Variants in NSUN6 observed in about 807,000 individuals in gnomAD.
NSUN6 encodes the protein tRNA (cytosine(72)-C(5))-methyltransferase NSUN6.
NSUN6 carries 64 observed loss-of-function variants against 58.0 expected under a neutral mutation model. That is an observed-to-expected ratio of 1.10 (90% CI 0.90 to 1.36). NSUN6 has a LOEUF of 1.36. Ranked by LOEUF, NSUN6 falls within the 40% of genes most tolerant of loss-of-function variation. The pLI is 0.00. For missense variants in NSUN6, 701 were observed against 550.1 expected, an observed-to-expected ratio of 1.27 and a Z score of -2.74; for synonymous variants, 231 against 193.9, an observed-to-expected ratio of 1.19 and a Z score of -1.59.
intron 8 of NSUN6, among the ~76,000 whole-genome samples, chr10:18,573,816 G>A (rs2056514513): frequency 6.6e-6 from 1 of 152,038 alleles, no homozygotes; most frequent in Non-Finnish European, 1.5e-5. Context: ...CAAATCGAGG[G>A]AATCACGTCC....
intron 7 of NSUN6, among the ~76,000 whole-genome samples, chr10:18,591,145 G>C (rs918321617): frequency 2.0e-5 from 3 of 152,032 alleles, no homozygotes; most frequent in African/African-American, 7.2e-5. Flanking sequence ...AGAAGAAATG[G>C]ATAAATTCCT....
At chr10:18,551,651 T>C in intron 9 of NSUN6, 172 bp downstream of exon 9, 1 of 484,378 alleles carries the variant, frequency 2.1e-6, no homozygotes, top group Non-Finnish European at 3.7e-6. Context: ...TGAATAATGT[T>C]CCATGTATGG....
chr10:18,566,608 G>A (rs145843665), intron 8 of NSUN6, among the ~76,000 whole-genome samples: 4,743 of 128,648 alleles, frequency 0.037, 257 homozygotes, highest in African/African-American at 0.13. Flanking sequence ...CCATTCTCCA[G>A]TCCCTTCCAT....
Position 18,625,615 on chromosome 10 carries a change from A to G in NSUN6, c.312-9322T>C, listed in dbSNP as rs2058765075. On this transcript the variant is annotated intron_variant, in intron 3 of 10. Coordinates refer to ENST00000377304, the MANE Select transcript of NSUN6 (RefSeq NM_182543.5). The stretch of plus-strand genomic sequence containing the variant: ...GTAATCCCAGCTACTCCGGAGGGTG[A>G]GGCAGGAGAATCACTTGAATCCGGG... 1.3e-5 allele frequency among the ~76,000 whole-genome samples: 2 copies of G among 148,564 alleles called. 1 individual carries two copies. Among genetic ancestry groups the G allele is most frequent in the Middle Eastern group, 7.2e-3 (2 of 278 alleles).
chr10:18,593,261 A>AGT (rs2057447455), intron 7 of NSUN6, among the ~76,000 whole-genome samples: 1 of 152,220 alleles, frequency 6.6e-6, no homozygotes, highest in African/African-American at 2.4e-5. Context: ...TGTTGGTGGG[A>AGT]GTGTAAATTA....
chr10:18,648,458 T>A, intron 2 of NSUN6, 32 bp downstream of exon 2: 3 of 1,471,734 alleles, frequency 2.0e-6, no homozygotes, highest in Non-Finnish European at 2.8e-6. Flanking sequence ...AAAAATGTAA[T>A]TATGTACAAA....
intron 7 of NSUN6, among the ~76,000 whole-genome samples, chr10:18,587,495 G>A (rs1045892273): frequency 1.3e-5 from 2 of 152,036 alleles, no homozygotes; most frequent in East Asian, 1.9e-4. Context: ...ATTTGGGAGG[G>A]GCCAAGAGAG....
intron 6 of NSUN6, among the ~76,000 whole-genome samples, chr10:18,606,162 G>T (rs1333444180): frequency 6.6e-6 from 1 of 151,976 alleles, no homozygotes; most frequent in Non-Finnish European, 1.5e-5. Flanking sequence ...CCCAAATCTG[G>T]GTCTGTATCA....
chr10:18,605,750 GCAT>G (rs1182566546), intron 6 of NSUN6, among the ~76,000 whole-genome samples: 2 of 152,114 alleles, frequency 1.3e-5, no homozygotes, highest in Non-Finnish European at 2.9e-5. Context: ...ACATCCTACA[GCAT>G]CAATAAGTAA....
intron 7 of NSUN6, among the ~76,000 whole-genome samples, chr10:18,589,234 G>A (rs904498108): frequency 6.6e-6 from 1 of 152,142 alleles, no homozygotes; most frequent in African/African-American, 2.4e-5. Context: ...ACAATGAAAA[G>A]GAGTGAACAA....
At chr10:18,580,453 T>C (rs969444651) in intron 8 of NSUN6, among the ~76,000 whole-genome samples, 1 of 152,190 alleles carries the variant, frequency 6.6e-6, no homozygotes, top group African/African-American at 2.4e-5. Context: ...GCTTGTTTCA[T>C]GTGCCCCAGT....
chr10:18,550,726 CTCT>C (rs1356365140), intron 9 of NSUN6, among the ~76,000 whole-genome samples: 85 of 98,568 alleles, frequency 8.6e-4, no homozygotes, highest in East Asian at 2.5e-3. Context: ...CCCAAAAAAT[CTCT>C]TTTTTTTTTT....
intron 3 of NSUN6, among the ~76,000 whole-genome samples, chr10:18,641,938 C>G (rs965451948): frequency 6.6e-6 from 1 of 152,110 alleles, no homozygotes; most frequent in African/African-American, 2.4e-5. Flanking sequence ...TGCAGTGGTG[C>G]GCAACTGTAG....
At chr10:18,610,266 T>C (rs1189890833) in intron 5 of NSUN6, among the ~76,000 whole-genome samples, 1 of 152,044 alleles carries the variant, frequency 6.6e-6, no homozygotes, top group African/African-American at 2.4e-5. Flanking sequence ...GAGAATCACT[T>C]GAACCTGGGA....
chr10:18,629,609 C>T (rs1332579057), intron 3 of NSUN6, among the ~76,000 whole-genome samples: 1 of 150,646 alleles, frequency 6.6e-6, no homozygotes, highest in Non-Finnish European at 1.5e-5. Context: ...CAATCCTAGT[C>T]TCTGATAAAA....
At chr10:18,564,269 C>T (rs901813823) in intron 8 of NSUN6, among the ~76,000 whole-genome samples, 5 of 151,168 alleles carry the variant, frequency 3.3e-5, no homozygotes, top group African/African-American at 4.9e-5. Flanking sequence ...ATACATTCTC[C>T]ACTCCACTGC....
intron 10 of NSUN6, among the ~76,000 whole-genome samples, chr10:18,547,864 C>A (rs887258814): frequency 6.6e-6 from 1 of 152,088 alleles, no homozygotes; most frequent in African/African-American, 2.4e-5. Context: ...GGAATAAACA[C>A]ATAACAAAAA....
intron 6 of NSUN6, among the ~76,000 whole-genome samples, chr10:18,602,556 G>T (rs1189146044): frequency 7.1e-6 from 1 of 139,958 alleles, no homozygotes; most frequent in African/African-American, 2.6e-5. Flanking sequence ...TTTTAGTAGA[G>T]ATGGTGTTTC....
At chr10:18,599,301 A>C (rs1340792942) in intron 6 of NSUN6, among the ~76,000 whole-genome samples, 2 of 152,180 alleles carry the variant, frequency 1.3e-5, no homozygotes, top group South Asian at 4.1e-4. Flanking sequence ...TATGTTGCCT[A>C]GGCTAGTCTC....
Sources: gnomAD v4.1 joint callset for allele counts (sites outside exome capture counted in the v4.1 genomes callset) on GRCh38, gnomAD v4.1.1 for gene constraint, MANE v1.5 for transcripts, NCBI Gene and HGNC (gene_info 2026-07-23, HGNC 2026-07-21) for gene names.